Variants in PDCD1LG2 observed in about 807,000 individuals in gnomAD.
PDCD1LG2 encodes B7 dendritic cell molecule.
PDCD1LG2 carries 32 observed loss-of-function variants against 28.2 expected under a neutral mutation model. The ratio of observed to expected loss-of-function variants is 1.13; its 90% CI spans 0.86 to 1.52. PDCD1LG2 has a LOEUF of 1.52. Among genes scored for constraint, PDCD1LG2 ranks in the 40% most tolerant of loss-of-function variants. PDCD1LG2 has a pLI of 0.00. For missense variants in PDCD1LG2, 385 were observed against 323.8 expected (o/e 1.19, Z -1.45); for synonymous variants, 116 against 120.2 (o/e 0.97, Z 0.23).
At chr9:5,547,724 G>T (rs989491091) in intron 3 of PDCD1LG2, among the ~76,000 whole-genome samples, 1 of 151,982 alleles carries the variant, frequency 6.6e-6, no homozygotes, top group Non-Finnish European at 1.5e-5. Flanking sequence ...ATCACCTGAG[G>T]TCAGGAGTTC....
At chr9:5,553,142 G>C (rs528511066) in intron 4 of PDCD1LG2, among the ~76,000 whole-genome samples, 12 of 152,070 alleles carry the variant, frequency 7.9e-5, no homozygotes, top group Non-Finnish European at 1.5e-4. Context: ...GAGAGGAGGG[G>C]AGAGGAGGTA....
chr9:5,516,833 A>G (rs1041180948), intron 1 of PDCD1LG2, among the ~76,000 whole-genome samples: 1 of 152,218 alleles, frequency 6.6e-6, no homozygotes. Context: ...GGAAGAGGCC[A>G]GGGAGTGGGA....
intron 1 of PDCD1LG2, among the ~76,000 whole-genome samples, chr9:5,522,290 C>T (rs76885790): frequency 1.6e-3 from 243 of 152,288 alleles, no homozygotes; most frequent in African/African-American, 5.3e-3. Context: ...TATTCAGAAA[C>T]GGCCATTAGA....
intron 1 of PDCD1LG2, among the ~76,000 whole-genome samples, 155 bp downstream of exon 1, chr9:5,510,958 C>G (rs1820045864): frequency 6.6e-6 from 1 of 152,188 alleles, no homozygotes. Flanking sequence ...CACAAATAAG[C>G]TAATGTCCTC....
chr9:5,534,813 T>C lies in PDCD1LG2; in HGVS notation c.124T>C (p.Cys42Arg). The part of the protein sequence containing the change: ...IEHGSNVTLE[C>R]NFDTGSHVNL... ...GCATGGCAGCAATGTGACCCTGGAA[T>C]GCAACTTTGACACTGGAAGTCATGT... is the stretch of plus-strand genomic sequence containing the variant. Residue 42 changes from cysteine to arginine, a missense_variant, in exon 3 of 7, where the codon TGC becomes CGC. Coordinates refer to ENST00000397747, the MANE Select transcript of PDCD1LG2 (RefSeq NM_025239.4). The C allele has an allele frequency of 6.2e-7, 1 of 1,614,110 alleles. No homozygotes were observed. The highest frequency in any genetic ancestry group is 8.5e-7 in the Non-Finnish European group (1 of 1,179,980).
At chr9:5,559,841 TC>T (rs1459287095) in intron 5 of PDCD1LG2, among the ~76,000 whole-genome samples, 1 of 152,176 alleles carries the variant, frequency 6.6e-6, no homozygotes. Flanking sequence ...TTGACTCATG[TC>T]TCCAGCTTTA....
At chr9:5,518,444 C>T (rs912074457) in intron 1 of PDCD1LG2, among the ~76,000 whole-genome samples, 9 of 152,262 alleles carry the variant, frequency 5.9e-5, no homozygotes, top group African/African-American at 2.2e-4. Flanking sequence ...AGCTATGTTA[C>T]ATGCTGTCCT....
intron 3 of PDCD1LG2, among the ~76,000 whole-genome samples, chr9:5,537,345 A>G (rs761122061): frequency 6.6e-6 from 1 of 152,210 alleles, no homozygotes; most frequent in Non-Finnish European, 1.5e-5. Flanking sequence ...ATTCATGAAT[A>G]ATTTGGAAAA....
At chr9:5,517,360 G>C (rs942553839) in intron 1 of PDCD1LG2, among the ~76,000 whole-genome samples, 7 of 152,206 alleles carry the variant, frequency 4.6e-5, no homozygotes, top group African/African-American at 1.7e-4. Context: ...TTCAGGCTAG[G>C]AATTCCAGTG....
At chr9:5,536,225 C>T (rs1025039743) in intron 3 of PDCD1LG2, among the ~76,000 whole-genome samples, 2 of 152,076 alleles carry the variant, frequency 1.3e-5, no homozygotes, top group Non-Finnish European at 2.9e-5. Flanking sequence ...TTGTAGAAGA[C>T]GAACAATAGT....
rs867305088 is a variant in PDCD1LG2 at position 5,559,306 on chromosome 9, A to G, written c.766+1554A>G. ...TAAATGTGCAAACAATTTCTTTTAT[A>G]TTTTTAATGAACCAGAGAGAAATCA... On this transcript the variant is annotated intron_variant, in intron 5 of 6. Transcript: ENST00000397747. Among the ~76,000 whole-genome samples the G allele has an allele frequency of 3.9e-5, 6 of 152,328 alleles. No homozygotes were observed. In the South Asian group the frequency reaches 1.2e-3, roughly 32 times the overall value.
At chr9:5,566,039 A>G (rs150837841) in intron 6 of PDCD1LG2, among the ~76,000 whole-genome samples, 262 of 152,204 alleles carry the variant, frequency 1.7e-3, no homozygotes, top group African/African-American at 5.7e-3. Flanking sequence ...ACATTCCCAC[A>G]CCCATTCTCT....
At chr9:5,525,139 G>C (rs1820347529) in intron 2 of PDCD1LG2, among the ~76,000 whole-genome samples, 1 of 152,148 alleles carries the variant, frequency 6.6e-6, no homozygotes, top group South Asian at 2.1e-4. Context: ...CCTCAGGTCA[G>C]GAGTTCGAGA....
At chr9:5,534,699 G>A (rs750016566) in intron 2 of PDCD1LG2, 46 bp from the exon 3 acceptor site, 2 of 1,526,480 alleles carry the variant, frequency 1.3e-6, no homozygotes, top group South Asian at 2.5e-5. Context: ...GAACTGGAAT[G>A]TAAAGTAAAG....
intron 1 of PDCD1LG2, among the ~76,000 whole-genome samples, chr9:5,514,837 G>C (rs1052069229): frequency 1.0e-4 from 15 of 150,476 alleles, no homozygotes; most frequent in African/African-American, 3.7e-4. Context: ...ATAAATACAA[G>C]GTAGACAAGA....
chr9:5,522,249 C>T (rs1239334516), intron 1 of PDCD1LG2, among the ~76,000 whole-genome samples: 2 of 152,188 alleles, frequency 1.3e-5, no homozygotes, highest in East Asian at 3.8e-4. Context: ...CAGGTAACTG[C>T]CAATATGTGT....
intron 1 of PDCD1LG2, among the ~76,000 whole-genome samples, chr9:5,514,535 T>C (rs933935976): frequency 6.6e-6 from 1 of 152,178 alleles, no homozygotes; most frequent in African/African-American, 2.4e-5. Flanking sequence ...TCTGGAAAGA[T>C]ACAACTTCCT....
rs112428063 is a variant in PDCD1LG2, at chr9:5,534,068, A to C, written c.56-677A>C. Reference sequence around the variant, plus strand: ...CTGTGCAATCTTGGGCAAGTTACTTAACCTTTTTGTGCCTCATTTTTGTTT... The same window carrying C: ...CTGTGCAATCTTGGGCAAGTTACTTCACCTTTTTGTGCCTCATTTTTGTTT... On this transcript the variant is annotated intron_variant, in intron 2 of 6. Transcript: ENST00000397747. Among the ~76,000 whole-genome samples the C allele has an allele frequency of 1.8e-3, 280 of 152,118 alleles. 1 individual carries two copies. Among genetic ancestry groups the C allele is most frequent in the African/African-American group, 6.4e-3 (267 of 41,480 alleles).
At chr9:5,529,034 G>T (rs140537731) in intron 2 of PDCD1LG2, among the ~76,000 whole-genome samples, 1 of 152,280 alleles carries the variant, frequency 6.6e-6, no homozygotes, top group Admixed American at 6.5e-5. Flanking sequence ...GACCTTAAGA[G>T]TTCTTTATTC....
Sources: gnomAD v4.1 joint callset for allele counts (sites outside exome capture counted in the v4.1 genomes callset) on GRCh38, gnomAD v4.1.1 for gene constraint, MANE v1.5 for transcripts, NCBI Gene and HGNC (gene_info 2026-07-23, HGNC 2026-07-21) for gene names.